Variants in EYA1 observed in about 807,000 individuals in gnomAD.
EYA1 encodes EYA transcriptional coactivator and phosphatase 1.
A neutral mutation model predicts 82.0 loss-of-function variants in EYA1; 16 were observed. That is an observed-to-expected ratio of 0.20 (90% CI 0.13 to 0.30). The LOEUF is 0.30. Among genes scored for constraint, EYA1 ranks in the 10% least tolerant of loss-of-function variants. The probability of loss-of-function intolerance (pLI) is 1.00; values close to 1 mark genes in which losing one functional copy is unlikely to be tolerated. For synonymous variants in EYA1, 261 were observed against 264.4 expected, an observed-to-expected ratio of 0.99 and a Z score of 0.12; for missense variants, 633 against 730.7, an observed-to-expected ratio of 0.87 and a Z score of 1.54.
At chr8:71,316,195 T>C (rs1019710562) in intron 7 of EYA1, among the ~76,000 whole-genome samples, 1 of 152,186 alleles carries the variant, frequency 6.6e-6, no homozygotes. Flanking sequence ...GTGTATACTT[T>C]AACACACAGC....
At position 71,315,989 on chromosome 8, in the gene EYA1, T is replaced by TA. The variant is rs201996775; in HGVS notation, c.556+1562dup. Among the ~76,000 whole-genome samples the TA allele has an allele frequency of 2.9e-3, 437 of 150,990 alleles. 4 individuals are homozygous for TA. The highest frequency in any genetic ancestry group is 4.7e-3 in the Non-Finnish European group (316 of 67,644). ...AAAATAGACTCTTAAAAATGATAAATAAAAAAAAATCATTCTTAAGGAAAC... is the reference window on the plus strand; with the variant it reads ...AAAATAGACTCTTAAAAATGATAAATAAAAAAAAAATCATTCTTAAGGAAAC... On this transcript the variant is annotated intron_variant, in intron 7 of 17. Transcript: ENST00000340726.
intron 11 of EYA1, among the ~76,000 whole-genome samples, chr8:71,250,277 A>T (rs1813591396): frequency 6.6e-6 from 1 of 152,206 alleles, no homozygotes; most frequent in Non-Finnish European, 1.5e-5. Flanking sequence ...TTTCCTCAAA[A>T]CACAACTAGG....
intron 11 of EYA1, among the ~76,000 whole-genome samples, chr8:71,262,421 C>T (rs565491078): frequency 2.6e-5 from 4 of 152,324 alleles, no homozygotes; most frequent in African/African-American, 9.6e-5. Flanking sequence ...GCTTCCTCCT[C>T]TGAACCCCCA....
At chr8:71,410,119 G>A (rs1198180398) in intron 2 of EYA1, among the ~76,000 whole-genome samples, 3 of 151,646 alleles carry the variant, frequency 2.0e-5, no homozygotes, top group Non-Finnish European at 4.4e-5. Flanking sequence ...CAGAGCCAAA[G>A]ACAAAAACCA....
chr8:71,335,290 C>A (rs1308135235), intron 3 of EYA1, among the ~76,000 whole-genome samples: 2 of 152,122 alleles, frequency 1.3e-5, no homozygotes, highest in African/African-American at 4.8e-5. Context: ...GAAAATGCAG[C>A]TTTTCCTCCT....
intron 2 of EYA1, among the ~76,000 whole-genome samples, chr8:71,528,914 C>T (rs190695926): frequency 2.0e-4 from 31 of 152,336 alleles, no homozygotes; most frequent in African/African-American, 7.0e-4. Flanking sequence ...ATGTGTCTGA[C>T]TTTAAATGTC....
intron 2 of EYA1, among the ~76,000 whole-genome samples, chr8:71,455,544 A>G (rs1807817696): frequency 6.6e-6 from 1 of 152,342 alleles, no homozygotes; most frequent in East Asian, 1.9e-4. Flanking sequence ...GCAGCACATC[A>G]AAAGGCTTAT....
At chr8:71,533,552 C>T (rs1178893460) in intron 2 of EYA1, among the ~76,000 whole-genome samples, 2 of 152,136 alleles carry the variant, frequency 1.3e-5, no homozygotes, top group South Asian at 2.1e-4. Flanking sequence ...TTGGGTGTGT[C>T]GCCCAGGCTA....
chr8:71,522,816 C>T (rs1204218537), intron 2 of EYA1, among the ~76,000 whole-genome samples: 1 of 152,010 alleles, frequency 6.6e-6, no homozygotes, highest in East Asian at 1.9e-4. Flanking sequence ...CACTATGTTG[C>T]CCAGGCTGGC....
intron 9 of EYA1, 116 bp from the exon 10 acceptor site, chr8:71,272,013 AAATCCT>A (rs759378863): frequency 2.8e-6 from 3 of 1,056,684 alleles, no homozygotes; most frequent in Non-Finnish European, 4.5e-6. Flanking sequence ...CATTCTGCTG[AAATCCT>A]ACATCGTCTT....
intron 2 of EYA1, among the ~76,000 whole-genome samples, chr8:71,390,058 G>A (rs1829189035): frequency 6.6e-6 from 1 of 151,806 alleles, no homozygotes; most frequent in Admixed American, 6.6e-5. Flanking sequence ...TTTAAGATTT[G>A]GAGGTAATGA....
intron 2 of EYA1, among the ~76,000 whole-genome samples, chr8:71,417,738 T>C (rs1482107728): frequency 2.0e-5 from 3 of 152,158 alleles, no homozygotes; most frequent in Non-Finnish European, 4.4e-5. Flanking sequence ...ATGTCAGCAA[T>C]GCTGAGGTTG....
chr8:71,381,629 A>G (rs1338492593), intron 2 of EYA1, among the ~76,000 whole-genome samples: 1 of 152,248 alleles, frequency 6.6e-6, no homozygotes, highest in Non-Finnish European at 1.5e-5. Flanking sequence ...ACTCATCCTT[A>G]CAGTATGAGC....
At chr8:71,265,584 C>T (rs958605454) in intron 11 of EYA1, among the ~76,000 whole-genome samples, 3 of 150,866 alleles carry the variant, frequency 2.0e-5, no homozygotes, top group African/African-American at 4.9e-5. Flanking sequence ...AATCCTCCCA[C>T]AGGAGGGGGA....
intron 2 of EYA1, among the ~76,000 whole-genome samples, chr8:71,483,524 T>G (rs1810333382): frequency 6.6e-6 from 1 of 151,754 alleles, no homozygotes; most frequent in Non-Finnish European, 1.5e-5. Flanking sequence ...CTCACATTCT[T>G]TCTCCTTTAG....
chr8:71,419,560 A>G (rs1831032458), intron 2 of EYA1, among the ~76,000 whole-genome samples: 1 of 152,190 alleles, frequency 6.6e-6, no homozygotes, highest in Admixed American at 6.5e-5. Context: ...ATGGAAAGTG[A>G]CAGTTGAAAG....
intron 2 of EYA1, among the ~76,000 whole-genome samples, chr8:71,412,595 T>C (rs185133231): frequency 6.0e-4 from 92 of 152,270 alleles, no homozygotes; most frequent in African/African-American, 2.1e-3. Flanking sequence ...GATGGAGACA[T>C]GGCTGAAGCA....
intron 2 of EYA1, among the ~76,000 whole-genome samples, chr8:71,515,298 T>G (rs975753664): frequency 1.3e-5 from 2 of 152,082 alleles, no homozygotes; most frequent in African/African-American, 4.8e-5. Flanking sequence ...CAAATAGGAA[T>G]CCAAGTCATA....
intron 2 of EYA1, among the ~76,000 whole-genome samples, chr8:71,532,581 G>T (rs759308353): frequency 6.6e-6 from 1 of 152,156 alleles, no homozygotes; most frequent in South Asian, 2.1e-4. Context: ...AATATGCTTT[G>T]TAAGCTAGCA....
Sources: gnomAD v4.1 joint callset for allele counts (sites outside exome capture counted in the v4.1 genomes callset) on GRCh38, gnomAD v4.1.1 for gene constraint, MANE v1.5 for transcripts, NCBI Gene and HGNC (gene_info 2026-07-23, HGNC 2026-07-21) for gene names.